Variants in ARK2C observed in about 807,000 individuals in gnomAD.
ARK2C encodes the protein E3 ubiquitin-protein ligase ARK2C.
At chr18:46,408,169 C>A in the ARK2C span, among the ~76,000 whole-genome samples, 5 of 152,056 alleles carry the variant, frequency 3.3e-5, no homozygotes, top group Non-Finnish European at 5.9e-5. Context: ...AGGAGTCTGC[C>A]CTGGAGGAAG....
At chr18:46,422,805 G>T in the ARK2C span, among the ~76,000 whole-genome samples, 1 of 152,352 alleles carries the variant, frequency 6.6e-6, no homozygotes, top group East Asian at 1.9e-4. Context: ...AGCAGTTAGT[G>T]GGCCTCTGCA....
the ARK2C span, chr18:46,447,766 C>T: frequency 1.3e-6 from 2 of 1,575,554 alleles, no homozygotes; most frequent in Non-Finnish European, 1.7e-6. Flanking sequence ...GTCCCCTGTG[C>T]CCTGGCTGCT....
At chr18:46,364,841 G>C in the ARK2C span, among the ~76,000 whole-genome samples, 1 of 152,240 alleles carries the variant, frequency 6.6e-6, no homozygotes, top group South Asian at 2.1e-4. Flanking sequence ...CTGCTCTCTG[G>C]GCAGGAGGCT....
chr18:46,417,500 A>T, the ARK2C span, among the ~76,000 whole-genome samples: 6 of 152,214 alleles, frequency 3.9e-5, no homozygotes, highest in South Asian at 1.2e-3. Context: ...CTTTGCCTGG[A>T]TATCTGCCAG....
chr18:46,341,319 A>AGGG, the ARK2C span, among the ~76,000 whole-genome samples: 5 of 126,336 alleles, frequency 4.0e-5, no homozygotes, highest in South Asian at 2.8e-4. Context: ...GAGGTCAGGG[A>AGGG]GGGGGGTGGG....
chr18:46,440,713 C>A, the ARK2C span, among the ~76,000 whole-genome samples: 1 of 152,090 alleles, frequency 6.6e-6, no homozygotes, highest in African/African-American at 2.4e-5. Context: ...TACTTTGTAT[C>A]AATCAAGATC....
the ARK2C span, among the ~76,000 whole-genome samples, chr18:46,401,791 C>G: frequency 6.6e-6 from 1 of 152,322 alleles, no homozygotes; most frequent in Non-Finnish European, 1.5e-5. Context: ...GAGAGGATCT[C>G]CTTCTATGGT....
the ARK2C span, among the ~76,000 whole-genome samples, chr18:46,339,471 A>C: frequency 6.6e-6 from 1 of 152,236 alleles, no homozygotes; most frequent in East Asian, 1.9e-4. Flanking sequence ...GATTGTCTGA[A>C]CTAAACACTT....
At chr18:46,388,991 T>A in the ARK2C span, among the ~76,000 whole-genome samples, 138 of 152,324 alleles carry the variant, frequency 9.1e-4, 1 homozygote, top group African/African-American at 3.3e-3. Context: ...GCTTATTGAC[T>A]CTCGGTTCAC....
At chr18:46,408,151 C>T in the ARK2C span, among the ~76,000 whole-genome samples, 1 of 152,150 alleles carries the variant, frequency 6.6e-6, no homozygotes, top group South Asian at 2.1e-4. Context: ...GGAATGACCC[C>T]TCGGTTGAGG....
the ARK2C span, among the ~76,000 whole-genome samples, chr18:46,427,887 G>T: frequency 6.6e-6 from 1 of 152,214 alleles, no homozygotes; most frequent in Non-Finnish European, 1.5e-5. Context: ...CCTGGGGCTG[G>T]TGGGCAGGGT....
chr18:46,372,078 G>A, the ARK2C span, among the ~76,000 whole-genome samples: 1 of 152,188 alleles, frequency 6.6e-6, no homozygotes, highest in African/African-American at 2.4e-5. Flanking sequence ...AGAAGAAAGG[G>A]ACTGGCATCC....
chr18:46,371,270 G>A, the ARK2C span, among the ~76,000 whole-genome samples: 1 of 152,124 alleles, frequency 6.6e-6, no homozygotes, highest in Non-Finnish European at 1.5e-5. Flanking sequence ...TGGGGACACA[G>A]CCAAACCCTA....
chr18:46,383,270 A>G, the ARK2C span, among the ~76,000 whole-genome samples: 4 of 152,254 alleles, frequency 2.6e-5, no homozygotes, highest in East Asian at 7.7e-4. Context: ...TCAAGTCAAA[A>G]TTTCAAAATG....
chr18:46,376,062 C>T, the ARK2C span, among the ~76,000 whole-genome samples: 18 of 152,326 alleles, frequency 1.2e-4, no homozygotes, highest in East Asian at 5.8e-4. Context: ...GGGCCGGGCC[C>T]GGGGTCATCA....
the ARK2C span, chr18:46,334,181 C>G: frequency 2.4e-6 from 2 of 821,724 alleles, no homozygotes; most frequent in Non-Finnish European, 2.9e-6. The surrounding 1 kb of genome is among the most constrained non-coding windows in gnomAD (Gnocchi z 4.4). Flanking sequence ...CGGCGGCTCC[C>G]GCAGCCCCGC....
the ARK2C span, among the ~76,000 whole-genome samples, chr18:46,363,294 C>T: frequency 6.6e-6 from 1 of 152,348 alleles, no homozygotes; most frequent in Admixed American, 6.5e-5. Flanking sequence ...CCACCTTTGG[C>T]TGCAGAGGAA....
At chr18:46,377,563 G>A in the ARK2C span, among the ~76,000 whole-genome samples, 1 of 152,196 alleles carries the variant, frequency 6.6e-6, no homozygotes, top group African/African-American at 2.4e-5. Context: ...GCAGTATTTT[G>A]TTAGATGAAG....
the ARK2C span, among the ~76,000 whole-genome samples, chr18:46,377,940 G>C: frequency 6.6e-6 from 1 of 152,082 alleles, no homozygotes; most frequent in Admixed American, 6.5e-5. Context: ...GGGCAGGAAG[G>C]CTGCTATGGA....
Sources: gnomAD v4.1 joint callset for allele counts (sites outside exome capture counted in the v4.1 genomes callset) on GRCh38, gnomAD v4.1.1 for gene constraint, Gnocchi (gnomAD v3.1) non-coding constraint, MANE v1.5 for transcripts, NCBI Gene and HGNC (gene_info 2026-07-23, HGNC 2026-07-21) for gene names.